Variants in TACR3 observed in about 807,000 individuals in gnomAD.
TACR3 encodes the protein tachykinin receptor 3.
A neutral mutation model predicts 35.0 loss-of-function variants in TACR3; 34 were observed. The ratio of observed to expected loss-of-function variants is 0.97; its 90% CI spans 0.74 to 1.30. The LOEUF (loss-of-function observed/expected upper bound fraction) is 1.30. Among genes scored for constraint, TACR3 ranks in the 50% most tolerant of loss-of-function variants. The pLI is 0.00. For synonymous variants in TACR3, 233 were observed against 221.1 expected, an observed-to-expected ratio of 1.05 and a Z score of -0.48; for missense variants, 558 against 591.7, an observed-to-expected ratio of 0.94 and a Z score of 0.59.
chr4:103,602,884 C>T (rs1724244232), intron 3 of TACR3, among the ~76,000 whole-genome samples: 1 of 152,226 alleles, frequency 6.6e-6, no homozygotes, highest in Non-Finnish European at 1.5e-5. Context: ...TCTCAAGCTG[C>T]ATGCTGGGAG....
Position 103,587,311 on chromosome 4 carries a change from GTCT to G in TACR3, c.*2368_*2370del, listed in dbSNP as rs1560795609. 6.6e-6 allele frequency: 1 copy of G among 151,838 alleles called. No homozygotes were observed. The highest frequency in any genetic ancestry group is 1.5e-5 in the Non-Finnish European group (1 of 67,960). The allele number at this position is 151,838 out of a possible 1,614,324, so 9.4% of individuals were successfully genotyped here. A position where few individuals can be genotyped will look rare whatever the true frequency, so the allele number is the denominator to read the frequency against. On this transcript the variant is annotated 3_prime_UTR_variant, in exon 5 of 5. Coordinates refer to ENST00000304883, the MANE Select transcript of TACR3 (RefSeq NM_001059.3). ...TGAACTTAAAAAATTCTGCCTATAG[GTCT>G]CAGTTTAAGGGCCATGAGTAGTGAG...
At chr4:103,658,747 G>T (rs964746316) in intron 1 of TACR3, among the ~76,000 whole-genome samples, 1 of 152,124 alleles carries the variant, frequency 6.6e-6, no homozygotes, top group Non-Finnish European at 1.5e-5. Flanking sequence ...ACCAAGGATC[G>T]GTTTTATGGA....
Position 103,644,033 on chromosome 4 carries a change from C to CA in TACR3, c.888+12160dup, listed in dbSNP as rs200827152. Among the ~76,000 whole-genome samples the CA allele has an allele frequency of 1.2e-3, 182 of 150,040 alleles. 2 individuals carry two copies. Among genetic ancestry groups the CA allele is most frequent in the Middle Eastern group, 3.4e-3 (1 of 292 alleles). On this transcript the variant is annotated intron_variant, in intron 3 of 4. Coordinates refer to ENST00000304883, the MANE Select transcript of TACR3 (RefSeq NM_001059.3). ...CTTCTTCAGTACTACTGGAAAACCACAAAAAAAAATAAAAACTTTTCTAGG... is the reference window on the plus strand; with the variant it reads ...CTTCTTCAGTACTACTGGAAAACCACAAAAAAAAAATAAAAACTTTTCTAGG...
rs556675742 is a variant in TACR3 at position 103,589,451 on chromosome 4, T to C, written c.*231A>G. 3.9e-6 allele frequency: 2 copies of C among 516,762 alleles called. No individual in the cohort carries two copies. Among genetic ancestry groups the C allele is most frequent in the African/African-American group, 1.9e-5 (1 of 52,686 alleles). The allele number at this position is 516,762 out of a possible 1,614,324, so 32.0% of individuals were successfully genotyped here. On this transcript the variant is annotated 3_prime_UTR_variant, in exon 5 of 5. Transcript: ENST00000304883. ...TTTTTGTTCATTGCATATAATAATT[T>C]AGAGTTTTCAAAGAATAAATTTAAA...
At chr4:103,655,524 A>G (rs7656901) in intron 3 of TACR3, among the ~76,000 whole-genome samples, 65,461 of 151,636 alleles carry the variant, frequency 0.43, 17,043 homozygotes, top group African/African-American at 0.75. Context: ...TCGCATAACG[A>G]TAGTAGAAAA....
chr4:103,702,007 A>G (rs1176505837), intron 1 of TACR3, among the ~76,000 whole-genome samples: 4 of 152,210 alleles, frequency 2.6e-5, no homozygotes, highest in African/African-American at 9.6e-5. Context: ...CTTCATGTCT[A>G]AAACACCAAA....
intron 3 of TACR3, among the ~76,000 whole-genome samples, chr4:103,602,503 T>C (rs879401579): frequency 1.8e-3 from 241 of 137,264 alleles, no homozygotes; most frequent in Non-Finnish European, 2.3e-3. Flanking sequence ...TTTTTTTTTT[T>C]CCCATCTTTG....
At chr4:103,715,288 C>T (rs1723064038) in intron 1 of TACR3, among the ~76,000 whole-genome samples, 1 of 152,072 alleles carries the variant, frequency 6.6e-6, no homozygotes, top group Non-Finnish European at 1.5e-5. Context: ...TGGTGAAGCA[C>T]CATGCTCTTG....
Position 103,610,883 on chromosome 4 carries a change from C to T in TACR3, c.889-19200G>A, listed in dbSNP as rs145227442. Among the ~76,000 whole-genome samples, 649 of 152,206 alleles carry T rather than the reference C, an allele frequency of 4.3e-3. 2 individuals carry two copies. Among genetic ancestry groups the T allele is most frequent in the Admixed American group, 9.4e-3 (143 of 15,262 alleles). Reference sequence around the variant, plus strand: ...TTCCTAGCCCCATTTAGGGGCTTGTCCTTTCCCCAATGTGTGTTCTTGGTG... The same window carrying T: ...TTCCTAGCCCCATTTAGGGGCTTGTTCTTTCCCCAATGTGTGTTCTTGGTG... On this transcript the variant is annotated intron_variant, in intron 3 of 4. Coordinates refer to ENST00000304883, the MANE Select transcript of TACR3 (RefSeq NM_001059.3).
intron 1 of TACR3, among the ~76,000 whole-genome samples, chr4:103,697,752 G>A (rs901777149): frequency 6.6e-6 from 1 of 152,058 alleles, no homozygotes; most frequent in Non-Finnish European, 1.5e-5. Flanking sequence ...CTAAACATTG[G>A]TAACTCAAAT....
chr4:103,688,935 A>C (rs992358402), intron 1 of TACR3, among the ~76,000 whole-genome samples: 41 of 152,140 alleles, frequency 2.7e-4, no homozygotes, highest in Non-Finnish European at 5.0e-4. Context: ...TGCTGCTATA[A>C]AAACACATGC....
chr4:103,598,794 T>C (rs563217223), intron 3 of TACR3, among the ~76,000 whole-genome samples: 1 of 152,348 alleles, frequency 6.6e-6, no homozygotes, highest in East Asian at 1.9e-4. Context: ...GAGGGCTCTG[T>C]TCTGTTCCAT....
chr4:103,671,578 G>T (rs1412926974), intron 1 of TACR3, among the ~76,000 whole-genome samples: 1 of 151,896 alleles, frequency 6.6e-6, no homozygotes, highest in Non-Finnish European at 1.5e-5. Flanking sequence ...TTGGCTTATA[G>T]TTGCACAATA....
At position 103,589,757 on chromosome 4, in the gene TACR3, G is replaced by A; in HGVS notation, c.1323C>T (p.Arg441=). 1 of 1,613,988 alleles carries A rather than the reference G, an allele frequency of 6.2e-7. No individual in the cohort carries two copies. The highest frequency in any genetic ancestry group is 8.5e-7 in the Non-Finnish European group (1 of 1,179,894). ...TGGCGGAGGCAGATTTGGAATTCCT[G>A]CGAGAGCAGCCATTGAAACTTGGGT... ...PRDPSFNGCS[R]RNSKSASATS... Residue 441 remains arginine (R), a synonymous_variant, in exon 5 of 5, where the codon CGC becomes CGT. Transcript: ENST00000304883.
chr4:103,591,714 TATAATACTC>T (rs764940417), intron 3 of TACR3, 31 bp from the exon 4 acceptor site: 3 of 1,571,660 alleles, frequency 1.9e-6, no homozygotes, highest in Admixed American at 3.6e-5. Flanking sequence ...TTTTGACAAA[TATAATACTC>T]ATAATAGTTC....
chr4:103,682,798 T>A (rs1390021288), intron 1 of TACR3, among the ~76,000 whole-genome samples: 1 of 152,172 alleles, frequency 6.6e-6, no homozygotes, highest in African/African-American at 2.4e-5. Flanking sequence ...GAGGCTGGAC[T>A]GGAGAAGGAT....
At chr4:103,666,396 C>G (rs1725936325) in intron 1 of TACR3, among the ~76,000 whole-genome samples, 1 of 151,976 alleles carries the variant, frequency 6.6e-6, no homozygotes, top group Non-Finnish European at 1.5e-5. Flanking sequence ...AAGGCCAGCT[C>G]TACAGCATAC....
intron 1 of TACR3, among the ~76,000 whole-genome samples, chr4:103,688,584 C>T (rs1208011892): frequency 7.4e-5 from 11 of 149,542 alleles, no homozygotes; most frequent in Admixed American, 2.0e-4. Flanking sequence ...AAAAAGTGGG[C>T]GAAGGACATG....
In TACR3 at chr4:103,588,989, AAG is replaced by A. The variant is rs976017919; in HGVS notation, c.*691_*692del. On this transcript the variant is annotated 3_prime_UTR_variant, in exon 5 of 5. Transcript: ENST00000304883. ...TATTCAAAAATAAGTAATGGTCAAAAAGTATATAATTTTTTAAAATTTCACTT... is the reference window on the plus strand; with the variant it reads ...TATTCAAAAATAAGTAATGGTCAAAATATATAATTTTTTAAAATTTCACTT... The A allele has an allele frequency of 4.0e-4, 61 of 152,284 alleles. No homozygotes were observed. Among genetic ancestry groups the A allele is most frequent in the African/African-American group, 1.3e-3 (56 of 41,590 alleles). The allele number at this position is 152,284 out of a possible 1,614,324, so 9.4% of individuals were successfully genotyped here. A position where few individuals can be genotyped will look rare whatever the true frequency, so the allele number is the denominator to read the frequency against.
Sources: gnomAD v4.1 joint callset for allele counts (sites outside exome capture counted in the v4.1 genomes callset) on GRCh38, gnomAD v4.1.1 for gene constraint, MANE v1.5 for transcripts, NCBI Gene and HGNC (gene_info 2026-07-23, HGNC 2026-07-21) for gene names.